The following SLC5A6 variants were observed in gnomAD, a reference collection of about 807,000 sequenced individuals.
SLC5A6 encodes sodium-dependent multivitamin transporter.
A neutral mutation model predicts 67.9 loss-of-function variants in SLC5A6; 31 were observed. The ratio of observed to expected loss-of-function variants is 0.46; its 90% CI spans 0.34 to 0.62. The LOEUF (loss-of-function observed/expected upper bound fraction) is 0.62, where lower values mean the gene tolerates loss of function less well. Among genes scored for constraint, SLC5A6 ranks in the 20% least tolerant of loss-of-function variants. The pLI is 0.01. For synonymous variants in SLC5A6, 343 were observed against 331.0 expected, an observed-to-expected ratio of 1.04 and a Z score of -0.39; for missense variants, 673 against 812.8, an observed-to-expected ratio of 0.83 and a Z score of 2.09.
intron 4 of SLC5A6, 92 bp downstream of exon 4, chr2:27,206,785 T>G (rs1674098359): frequency 9.3e-7 from 1 of 1,071,920 alleles, no homozygotes; most frequent in African/African-American, 1.6e-5. Context: ...CCTGCCAATC[T>G]GAGAGCAGGG....
intron 1 of SLC5A6, 94 bp downstream of exon 1, chr2:27,211,926 C>T (rs1355495751): frequency 9.5e-6 from 4 of 422,102 alleles, no homozygotes; most frequent in Non-Finnish European, 1.7e-5. Context: ...CGTGGGTAGC[C>T]AGAGCCCGGC....
At position 27,200,428 on chromosome 2, in the gene SLC5A6, A is replaced by G. The variant is rs80279005; in HGVS notation, c.*8T>C. On this transcript the variant is annotated 3_prime_UTR_variant, in exon 17 of 17. Transcript: ENST00000310574. ...CAGTGAGGACAGAGGCGGGGTCCTG[A>G]GTCAACATCACAGGGAGGTCTCCTG... 270 of 1,605,884 alleles carry G rather than the reference A, an allele frequency of 1.7e-4. No individual in the cohort carries two copies. In the African/African-American group the frequency reaches 3.1e-3, roughly 18 times the overall value.
In SLC5A6 at chr2:27,207,933, G is replaced by C; in HGVS notation, c.-140-143C>G. ...GGTCTAGAGGCCCTGGTATGGGTTTGGTAGGGGACATAAGTGAGGGAGAAG... is the reference window on the plus strand; with the variant it reads ...GGTCTAGAGGCCCTGGTATGGGTTTCGTAGGGGACATAAGTGAGGGAGAAG... On this transcript the variant is annotated intron_variant, in intron 2 of 16. Coordinates refer to ENST00000310574, the MANE Select transcript of SLC5A6 (RefSeq NM_021095.4). The surrounding 1 kb of genome is among the most constrained non-coding windows in gnomAD (Gnocchi z 5.5). 2 of 487,688 alleles carry C rather than the reference G, an allele frequency of 4.1e-6. No individual in the cohort carries two copies. Among genetic ancestry groups the C allele is most frequent in the South Asian group, 6.9e-5 (2 of 29,194 alleles). The allele number at this position is 487,688 out of a possible 1,614,324, so 30.2% of individuals were successfully genotyped here.
In SLC5A6 at chr2:27,204,935, T is replaced by C; in HGVS notation, c.735-4A>G. ...CACAAAGGGGTCTGGATCCAGCCTGTAACAGACACCACCCAGTCATTGTGC... is the reference window on the plus strand; with the variant it reads ...CACAAAGGGGTCTGGATCCAGCCTGCAACAGACACCACCCAGTCATTGTGC... On this transcript the variant is annotated splice_region_variant and splice_polypyrimidine_tract_variant and intron_variant, in intron 7 of 16. Transcript: ENST00000310574. The C allele has an allele frequency of 6.2e-7, 1 of 1,612,352 alleles. No homozygotes were observed. The highest frequency in any genetic ancestry group is 8.5e-7 in the Non-Finnish European group (1 of 1,179,982).
At position 27,201,824 on chromosome 2, in the gene SLC5A6, A is replaced by G. The variant is rs201386295; in HGVS notation, c.1386T>C (p.Ala462=). 3.1e-6 allele frequency: 5 copies of G among 1,614,162 alleles called. No individual in the cohort carries two copies. The East Asian group carries it at 1.1e-4, about 36-fold the overall frequency. The stretch of plus-strand genomic sequence containing the variant: ...CAATCCAGAAGGCCATGACGAGCCC[A>G]GCCAACAGGCCCACAACAGCACCCT... The part of the protein sequence containing the change: ...NPPGAVVGLL[A]GLVMAFWIGI... The change falls in exon 14 of 17, where the codon GCT becomes GCC. Residue 462 remains alanine (A), a synonymous_variant. Transcript: ENST00000310574.
At position 27,207,255 on chromosome 2, in the gene SLC5A6, C is replaced by T. The variant is rs777230395; in HGVS notation, c.393+3G>A. 1.9e-6 allele frequency: 3 copies of T among 1,613,288 alleles called. No individual in the cohort carries two copies. The highest frequency in any genetic ancestry group is 2.5e-6 in the Non-Finnish European group (3 of 1,179,536). On this transcript the variant is annotated splice_donor_region_variant and intron_variant, in intron 3 of 16. Coordinates refer to ENST00000310574, the MANE Select transcript of SLC5A6 (RefSeq NM_021095.4). The surrounding 1 kb of genome is among the most constrained non-coding windows in gnomAD (Gnocchi z 5.5). ...CGCACTTCTCCCTTCTGTCCCTGCT[C>T]ACCTCATAGGCACTGGTGAGATGCA...
chr2:27,204,407 C>T (rs1299877257), intron 9 of SLC5A6, 54 bp downstream of exon 9: 2 of 1,559,264 alleles, frequency 1.3e-6, no homozygotes, highest in Non-Finnish European at 1.7e-6. Context: ...TACCTAGACA[C>T]TCCTGTTGTG....
At chr2:27,209,160 G>A (rs1201462222) in intron 2 of SLC5A6, among the ~76,000 whole-genome samples, 1 of 152,154 alleles carries the variant, frequency 6.6e-6, no homozygotes, top group East Asian at 1.9e-4. Flanking sequence ...AAAGCACAGA[G>A]CCGACTATTG....
chr2:27,204,424 G>C, intron 9 of SLC5A6, 37 bp downstream of exon 9: 23 of 1,588,266 alleles, frequency 1.4e-5, no homozygotes, highest in Non-Finnish European at 2.0e-5. Context: ...TGTGGGGCCA[G>C]GCCTGCCCTC....
At chr2:27,202,483 A>G (rs1673722033) in intron 12 of SLC5A6, among the ~76,000 whole-genome samples, 1 of 145,284 alleles carries the variant, frequency 6.9e-6, no homozygotes, top group Non-Finnish European at 1.5e-5. Flanking sequence ...CAGCCTGAGC[A>G]ACAGAATGAG....
Position 27,206,103 on chromosome 2 carries a change from T to C in SLC5A6, c.512-10A>G, listed in dbSNP as rs781402907. ...AGATCAAAGCCAGTCACTGTAAGCA[T>C]AGAAGCCACATTCTTATCCCTGGAA... On this transcript the variant is annotated splice_polypyrimidine_tract_variant and intron_variant, in intron 5 of 16. Transcript: ENST00000310574. 3.1e-6 allele frequency: 5 copies of C among 1,613,900 alleles called. No homozygotes were observed. Among genetic ancestry groups the C allele is most frequent in the African/African-American group, 1.3e-5 (1 of 75,020 alleles).
rs578214644 is a variant in SLC5A6, at chr2:27,201,343, C to A, written c.1648+7G>T. On this transcript the variant is annotated splice_region_variant and intron_variant, in intron 15 of 16. Transcript: ENST00000310574. ...TGCTCATCTGCACCGCAATCCCACACCCTTACCAGTGAGTAGACTGACAAT... is the reference window on the plus strand; with the variant it reads ...TGCTCATCTGCACCGCAATCCCACAACCTTACCAGTGAGTAGACTGACAAT... 1.6e-5 allele frequency: 25 copies of A among 1,586,248 alleles called. 1 individual carries two copies. In the Middle Eastern group the frequency reaches 8.4e-4, roughly 53 times the overall value.
Position 27,212,264 on chromosome 2 carries a change from G to A in SLC5A6, c.-452C>T, listed in dbSNP as rs769367297. On this transcript the variant is annotated 5_prime_UTR_variant, in exon 1 of 17. Coordinates refer to ENST00000310574, the MANE Select transcript of SLC5A6 (RefSeq NM_021095.4). ...GCCCCCAAGCAGCCCCAGGGCGACT[G>A]GACCGGGCCGCTTAGGCCACGCCCG... The A allele has an allele frequency of 1.3e-6, 2 of 1,557,328 alleles. No homozygotes were observed. The highest frequency in any genetic ancestry group is 1.4e-5 in the African/African-American group (1 of 73,784).
chr2:27,201,586 C>T (rs115224636), intron 14 of SLC5A6, 80 bp downstream of exon 14: 27,570 of 1,463,518 alleles, frequency 0.019, 324 homozygotes, highest in Non-Finnish European at 0.022. Context: ...CCTCTGGTGG[C>T]CCATCCCTTA....
chr2:27,209,768 G>A (rs538380673), intron 2 of SLC5A6, among the ~76,000 whole-genome samples: 3 of 152,312 alleles, frequency 2.0e-5, no homozygotes, highest in South Asian at 2.1e-4. Flanking sequence ...GGCAGACACT[G>A]GCTGGCTGGC....
At chr2:27,210,021 G>A (rs971050979) in intron 2 of SLC5A6, among the ~76,000 whole-genome samples, 13 of 152,130 alleles carry the variant, frequency 8.5e-5, no homozygotes, top group Admixed American at 3.3e-4. Context: ...GGGAGTAAGA[G>A]GAAAGAAGAG....
chr2:27,206,228 G>C (rs1030865643), intron 5 of SLC5A6, 135 bp from the exon 6 acceptor site: 2 of 811,668 alleles, frequency 2.5e-6, no homozygotes, highest in Non-Finnish European at 4.1e-6. Context: ...CACCACAACG[G>C]AGAAAAATGT....
upstream of SLC5A6, chr2:27,212,558 G>C: frequency 6.7e-7 from 1 of 1,490,920 alleles, no homozygotes; most frequent in Non-Finnish European, 8.9e-7. Flanking sequence ...TCCTCGGCGG[G>C]CCTGCGGTTC....
At position 27,201,203 on chromosome 2, in the gene SLC5A6, C is replaced by T. The variant is rs148861821; in HGVS notation, c.1649-90G>A. ...CCCTTGGCCCCCAGAGACCCCAGCC[C>T]CCACCCACCTCCTACATCCCAGCAG... On this transcript the variant is annotated intron_variant, in intron 15 of 16. Transcript: ENST00000310574. 9.1e-4 allele frequency: 943 copies of T among 1,037,452 alleles called. 4 individuals carry two copies. The East Asian group carries it at 0.015, about 17-fold the overall frequency. 64.3% of individuals were successfully genotyped at this position (1,037,452 alleles called of 1,614,324 possible).
Sources: gnomAD v4.1 joint callset for allele counts (sites outside exome capture counted in the v4.1 genomes callset) on GRCh38, gnomAD v4.1.1 for gene constraint, Gnocchi (gnomAD v3.1) non-coding constraint, MANE v1.5 for transcripts, NCBI Gene and HGNC (gene_info 2026-07-23, HGNC 2026-07-21) for gene names.